ARHGAP31: variants seen among roughly 807,000 people sequenced by gnomAD.
ARHGAP31 encodes the protein rho GTPase-activating protein 31.
Under a neutral mutation model 113.9 loss-of-function variants are expected in ARHGAP31, and 34 were observed. That is an observed-to-expected ratio of 0.30 (90% confidence interval 0.23 to 0.40). The LOEUF (loss-of-function observed/expected upper bound fraction) is 0.40. ARHGAP31 is among the 10% of genes least tolerant of loss of function. The pLI, the probability that ARHGAP31 is intolerant of heterozygous loss-of-function variation, is 1.00. For missense variants in ARHGAP31, 1,548 were observed against 1,767.1 expected, an observed-to-expected ratio of 0.88 and a Z score of 2.22; for synonymous variants, 650 against 684.8, an observed-to-expected ratio of 0.95 and a Z score of 0.79.
At chr3:119,413,719 T>G in intron 11 of ARHGAP31, 137 bp from the exon 12 acceptor site, 1 of 1,146,062 alleles carries the variant, frequency 8.7e-7, no homozygotes, top group Non-Finnish European at 1.3e-6. Flanking sequence ...TAGCCACAGG[T>G]ATTATCGGTG....
At chr3:119,320,211 T>C (rs1449655814) in intron 1 of ARHGAP31, among the ~76,000 whole-genome samples, 1 of 152,212 alleles carries the variant, frequency 6.6e-6, no homozygotes, top group African/African-American at 2.4e-5. Context: ...GACTGAACAG[T>C]TCTCAAACTA....
At chr3:119,319,082 A>G (rs2079759682) in intron 1 of ARHGAP31, among the ~76,000 whole-genome samples, 1 of 152,124 alleles carries the variant, frequency 6.6e-6, no homozygotes, top group Non-Finnish European at 1.5e-5. Context: ...AAACATTAAC[A>G]ACTGTGGAAC....
chr3:119,327,719 T>G (rs567641104), intron 1 of ARHGAP31, among the ~76,000 whole-genome samples: 1 of 152,224 alleles, frequency 6.6e-6, no homozygotes, highest in Non-Finnish European at 1.5e-5. Flanking sequence ...CTCTGTCCCC[T>G]CCATTAAAAA....
chr3:119,342,676 G>A (rs1221568758), intron 1 of ARHGAP31, among the ~76,000 whole-genome samples: 2 of 152,266 alleles, frequency 1.3e-5, no homozygotes, highest in South Asian at 2.1e-4. Context: ...CAGGCCGGGT[G>A]CAGTGGCTCA....
intron 6 of ARHGAP31, among the ~76,000 whole-genome samples, chr3:119,388,528 A>C (rs957151847): frequency 6.6e-6 from 1 of 151,958 alleles, no homozygotes; most frequent in African/African-American, 2.4e-5. Context: ...AGAGGCTGAG[A>C]GGCTGGAAGC....
At chr3:119,308,000 G>C (rs146833860) in intron 1 of ARHGAP31, among the ~76,000 whole-genome samples, 34 of 132,718 alleles carry the variant, frequency 2.6e-4, no homozygotes, top group African/African-American at 8.9e-4. Context: ...AGAGTATATA[G>C]ATCAAGGGAT....
At chr3:119,344,284 G>A (rs549004291) in intron 1 of ARHGAP31, among the ~76,000 whole-genome samples, 1 of 152,288 alleles carries the variant, frequency 6.6e-6, no homozygotes, top group South Asian at 2.1e-4. Context: ...AAGGGAAGGA[G>A]GAGAACATCC....
At position 119,394,209 on chromosome 3, in the gene ARHGAP31, G is replaced by A. The variant is rs549789782; in HGVS notation, c.1006+618G>A. 7.2e-5 allele frequency among the ~76,000 whole-genome samples: 11 copies of A among 152,318 alleles called. No homozygotes were observed. In the South Asian group the frequency reaches 2.3e-3, roughly 32 times the overall value. ...ATGTCAATATCTTATTGCGTGTGAA[G>A]AGAACTGTGATCCCTTGGTTAAAGT... On this transcript the variant is annotated intron_variant, in intron 8 of 11. Coordinates refer to ENST00000264245, the MANE Select transcript of ARHGAP31 (RefSeq NM_020754.4).
At position 119,321,283 on chromosome 3, in the gene ARHGAP31, A is replaced by ATATATATATATAG. The variant is rs1424237638; in HGVS notation, c.100+26291_100+26303dup. On this transcript the variant is annotated intron_variant, in intron 1 of 11. Coordinates refer to ENST00000264245, the MANE Select transcript of ARHGAP31 (RefSeq NM_020754.4). ...AATTTCACATATATATATATACTAT[A>ATATATATATATAG]TATATATATATAGTATATATATATG... is the stretch of plus-strand genomic sequence containing the variant. Among the ~76,000 whole-genome samples the ATATATATATATAG allele has an allele frequency of 5.1e-3, 747 of 145,838 alleles. 10 individuals carry two copies. The highest frequency in any genetic ancestry group is 7.0e-3 in the Non-Finnish European group (462 of 66,306).
intron 1 of ARHGAP31, among the ~76,000 whole-genome samples, chr3:119,337,231 C>T (rs1287754614): frequency 6.6e-6 from 1 of 152,042 alleles, no homozygotes; most frequent in Admixed American, 6.5e-5. Flanking sequence ...GTTCGGACAT[C>T]TCCAGACTTG....
intron 1 of ARHGAP31, among the ~76,000 whole-genome samples, chr3:119,332,913 G>T (rs948763039): frequency 6.6e-6 from 1 of 152,114 alleles, no homozygotes; most frequent in Non-Finnish European, 1.5e-5. Context: ...CACTCTACTT[G>T]AAGTATAGCA....
At chr3:119,366,503 A>G (rs1285496990) in intron 2 of ARHGAP31, among the ~76,000 whole-genome samples, 1 of 152,120 alleles carries the variant, frequency 6.6e-6, no homozygotes, top group African/African-American at 2.4e-5. Context: ...TAATGAATCT[A>G]TGTGTTTACA....
Position 119,323,090 on chromosome 3 carries a change from C to G in ARHGAP31, c.100+28086C>G, listed in dbSNP as rs530202554. Among the ~76,000 whole-genome samples the G allele has an allele frequency of 4.1e-3, 623 of 152,332 alleles. 4 individuals carry two copies. The highest frequency in any genetic ancestry group is 0.013 in the African/African-American group (561 of 41,578). On this transcript the variant is annotated intron_variant, in intron 1 of 11. Coordinates refer to ENST00000264245, the MANE Select transcript of ARHGAP31 (RefSeq NM_020754.4). ...AGACGGTGGCGCTGACTCTGCTCTG[C>G]GCGCCGCAGCTTCCTCCCGCTGCTC...
Position 119,353,899 on chromosome 3 carries a change from T to C in ARHGAP31, c.101-11417T>C, listed in dbSNP as rs60171586. On this transcript the variant is annotated intron_variant, in intron 1 of 11. Transcript: ENST00000264245. ...TTGAAGGCAAAGATCTTATTACCTT[T>C]TGTTCCTCTAGATGGGCCCTCAGTG... Among the ~76,000 whole-genome samples, 597 of 152,326 alleles carry C rather than the reference T, an allele frequency of 3.9e-3. 4 individuals are homozygous for C. Among genetic ancestry groups the C allele is most frequent in the African/African-American group, 0.014 (576 of 41,564 alleles).
chr3:119,392,435 G>A (rs780134581), intron 7 of ARHGAP31, among the ~76,000 whole-genome samples: 3 of 152,188 alleles, frequency 2.0e-5, no homozygotes, highest in Admixed American at 6.5e-5. Context: ...GTAACAGAGC[G>A]AGACCCTGTC....
intron 10 of ARHGAP31, among the ~76,000 whole-genome samples, chr3:119,405,209 G>A (rs2080649145): frequency 6.6e-6 from 1 of 152,046 alleles, no homozygotes; most frequent in African/African-American, 2.4e-5. Context: ...TCAGGAGCAA[G>A]CCTACCTTAT....
At chr3:119,399,335 G>A in intron 9 of ARHGAP31, 74 bp downstream of exon 9, 1 of 1,260,386 alleles carries the variant, frequency 7.9e-7, no homozygotes, top group Non-Finnish European at 1.2e-6. Context: ...TTTATAAGCT[G>A]TCATGCCTGC....
Position 119,414,150 on chromosome 3 carries a change from C to G in ARHGAP31, c.2221C>G (p.Pro741Ala). 6.2e-7 allele frequency: 1 copy of G among 1,614,172 alleles called. No homozygotes were observed. The highest frequency in any genetic ancestry group is 8.5e-7 in the Non-Finnish European group (1 of 1,180,036). ...STAASREKPE[P>A]EQGLHPDLAS... The stretch of plus-strand genomic sequence containing the variant: ...AGCAGCCAGCAGAGAGAAGCCGGAA[C>G]CTGAGCAGGGCCTGCACCCAGACCT... The change falls in exon 12 of 12, where the codon CCT becomes GCT. Residue 741 changes from proline (P) to alanine (A), a missense_variant. Coordinates refer to ENST00000264245, the MANE Select transcript of ARHGAP31 (RefSeq NM_020754.4).
chr3:119,396,551 CT>C (rs555280072), intron 8 of ARHGAP31, among the ~76,000 whole-genome samples: 130 of 152,256 alleles, frequency 8.5e-4, no homozygotes, highest in African/African-American at 2.7e-3. Context: ...ATGGTCATAA[CT>C]TTAGTGGAAT....
Sources: gnomAD v4.1 joint callset for allele counts (sites outside exome capture counted in the v4.1 genomes callset) on GRCh38, gnomAD v4.1.1 for gene constraint, MANE v1.5 for transcripts, NCBI Gene and HGNC (gene_info 2026-07-23, HGNC 2026-07-21) for gene names.